SPATA6: variants seen among roughly 807,000 people sequenced by gnomAD.
SPATA6 encodes the protein spermatogenesis-associated protein 6.
SPATA6 carries 56 observed loss-of-function variants against 65.3 expected under a neutral mutation model. The observed-to-expected ratio is 0.86, with a 90% CI of 0.69 to 1.07. SPATA6 has a LOEUF of 1.07. SPATA6 is among the 50% of genes least tolerant of loss of function. The pLI is 0.00. For synonymous variants in SPATA6, 199 were observed against 213.2 expected, an observed-to-expected ratio of 0.93 and a Z score of 0.58; for missense variants, 590 against 594.8, an observed-to-expected ratio of 0.99 and a Z score of 0.08.
chr1:48,285,209 G>A, the SPATA6 span, among the ~76,000 whole-genome samples: 11 of 152,176 alleles, frequency 7.2e-5, no homozygotes, highest in East Asian at 1.4e-3. Flanking sequence ...CAAACTTCCC[G>A]GCAGCTTTGT....
chr1:48,305,203 T>C (rs898026447), intron 12 of SPATA6, among the ~76,000 whole-genome samples: 3 of 152,198 alleles, frequency 2.0e-5, no homozygotes, highest in African/African-American at 7.2e-5. Flanking sequence ...GCTTTGTTTC[T>C]TATGTTTGTT....
At chr1:48,370,489 A>G (rs1647203799) in intron 9 of SPATA6, among the ~76,000 whole-genome samples, 1 of 152,242 alleles carries the variant, frequency 6.6e-6, no homozygotes, top group South Asian at 2.1e-4. Flanking sequence ...ATCTGATTTA[A>G]ACATTCATAT....
intron 7 of SPATA6, among the ~76,000 whole-genome samples, chr1:48,397,471 C>T (rs149379314): frequency 6.6e-6 from 1 of 151,588 alleles, no homozygotes; most frequent in African/African-American, 2.4e-5. Flanking sequence ...TAATTGATTT[C>T]TTAAAACTGT....
At chr1:48,286,616 A>G in the SPATA6 span, among the ~76,000 whole-genome samples, 1 of 152,220 alleles carries the variant, frequency 6.6e-6, no homozygotes, top group Non-Finnish European at 1.5e-5. Context: ...ATTTTATATC[A>G]TCCTTCCAAT....
At chr1:48,281,518 C>A in the SPATA6 span, among the ~76,000 whole-genome samples, 3 of 152,148 alleles carry the variant, frequency 2.0e-5, no homozygotes, top group Admixed American at 2.0e-4. Flanking sequence ...ACAAGAATCA[C>A]AAGTATTCTT....
intron 11 of SPATA6, among the ~76,000 whole-genome samples, chr1:48,329,752 G>A (rs2148726050): frequency 6.6e-6 from 1 of 152,292 alleles, no homozygotes; most frequent in East Asian, 1.9e-4. Context: ...GTAAAGTTGG[G>A]CACCGCCCAT....
intron 11 of SPATA6, among the ~76,000 whole-genome samples, chr1:48,330,968 G>C (rs1319365156): frequency 6.6e-6 from 1 of 152,130 alleles, no homozygotes; most frequent in Non-Finnish European, 1.5e-5. Flanking sequence ...ATTGCAGAGG[G>C]GGCTCCTCCA....
At chr1:48,413,272 A>G (rs1017337886) in intron 3 of SPATA6, 121 bp from the exon 4 acceptor site, 1 of 301,692 alleles carries the variant, frequency 3.3e-6, no homozygotes, top group Non-Finnish European at 6.2e-6. Context: ...ATATGTTTAT[A>G]TATTAGTATA....
chr1:48,378,906 T>C (rs1203420495), intron 9 of SPATA6, among the ~76,000 whole-genome samples: 3 of 152,202 alleles, frequency 2.0e-5, no homozygotes, highest in East Asian at 1.9e-4. Context: ...TGGTATACTA[T>C]TCAGCCTTTA....
chr1:48,379,542 C>A lies in SPATA6; in HGVS notation c.909+5767G>T, dbSNP rs746455012. On this transcript the variant is annotated intron_variant, in intron 9 of 12. Transcript: ENST00000371847. ...TTCAAGTAGACAGGATGAAAAAATT[C>A]TGGAGATCTATTTTACAGCATGATG... 9.1e-4 allele frequency among the ~76,000 whole-genome samples: 138 copies of A among 152,114 alleles called. 6 individuals are homozygous for A. The highest frequency in any genetic ancestry group is 1.0e-3 in the Non-Finnish European group (70 of 68,024).
intron 3 of SPATA6, among the ~76,000 whole-genome samples, chr1:48,439,738 G>A (rs912985681): frequency 1.3e-5 from 2 of 152,018 alleles, no homozygotes; most frequent in East Asian, 3.9e-4. Context: ...TAAGCCATTG[G>A]GACAGGCATT....
At chr1:48,415,030 G>A (rs1302482444) in intron 3 of SPATA6, among the ~76,000 whole-genome samples, 1 of 151,520 alleles carries the variant, frequency 6.6e-6, no homozygotes, top group Admixed American at 6.6e-5. Flanking sequence ...ATAACAAACA[G>A]CAAGAGATTC....
At chr1:48,467,589 T>C (rs1459814854) in intron 1 of SPATA6, among the ~76,000 whole-genome samples, 2 of 152,162 alleles carry the variant, frequency 1.3e-5, no homozygotes, top group African/African-American at 4.8e-5. Context: ...AGAGAATGGA[T>C]AGCATCAGAG....
the SPATA6 span, among the ~76,000 whole-genome samples, chr1:48,282,424 C>G: frequency 6.6e-6 from 1 of 152,172 alleles, no homozygotes; most frequent in Admixed American, 6.5e-5. Context: ...AAAATTTTCA[C>G]AACCTACTCA....
chr1:48,345,042 T>C (rs1016784863), intron 11 of SPATA6, among the ~76,000 whole-genome samples: 11 of 152,138 alleles, frequency 7.2e-5, no homozygotes, highest in Non-Finnish European at 1.2e-4. Flanking sequence ...TCTACAGAAC[T>C]CTACTCCCAA....
intron 1 of SPATA6, among the ~76,000 whole-genome samples, chr1:48,470,911 G>C (rs1658188628): frequency 6.6e-6 from 1 of 152,162 alleles, no homozygotes; most frequent in Non-Finnish European, 1.5e-5. Flanking sequence ...AAGAAGGAGC[G>C]AAGAGACCGA....
At chr1:48,302,881 A>G (rs1644974086) in intron 12 of SPATA6, among the ~76,000 whole-genome samples, 1 of 151,936 alleles carries the variant, frequency 6.6e-6, no homozygotes, top group Non-Finnish European at 1.5e-5. Context: ...TTGTTTGCCA[A>G]GTAGTATTAA....
intron 11 of SPATA6, among the ~76,000 whole-genome samples, chr1:48,317,568 C>A (rs1300375767): frequency 6.6e-6 from 1 of 151,852 alleles, no homozygotes; most frequent in African/African-American, 2.4e-5. Flanking sequence ...AGGAGATATA[C>A]CTAATGTTAA....
chr1:48,381,477 ATTAT>A (rs1648571848), intron 9 of SPATA6, among the ~76,000 whole-genome samples: 2 of 151,592 alleles, frequency 1.3e-5, no homozygotes, highest in Middle Eastern at 3.4e-3. Context: ...GCCTTGATTG[ATTAT>A]TTAATTGTGC....
Sources: allele counts gnomAD v4.1 joint callset (sites outside exome capture counted in the v4.1 genomes callset), GRCh38; gene constraint gnomAD v4.1.1; transcripts MANE v1.5; gene names NCBI Gene and HGNC (gene_info 2026-07-23, HGNC 2026-07-21).